The following PCNT variants were observed in gnomAD, a reference collection of about 807,000 sequenced individuals.
PCNT encodes pericentrin.
PCNT carries 319 observed loss-of-function variants against 380.4 expected under a neutral mutation model. The ratio of observed to expected loss-of-function variants is 0.84; its 90% CI spans 0.77 to 0.92. The LOEUF is 0.92. PCNT is among the 40% of genes least tolerant of loss of function. The pLI is 0.00. For synonymous variants in PCNT, 1,845 were observed against 1,735.2 expected (o/e 1.06, Z -1.57); for missense variants, 4,400 against 4,255.3 (o/e 1.03, Z -0.95).
rs202225079 is a variant in PCNT, at chr21:46,399,573, A to T, written c.4585-17A>T. ...AAACATTCTATTGTATTCCTCAAGC[A>T]TTTTTTGTTGTTTTAGGTTGAGTTG... On this transcript the variant is annotated splice_polypyrimidine_tract_variant and intron_variant, in intron 24 of 46. Transcript: ENST00000359568. 5 of 1,580,826 alleles carry T rather than the reference A, an allele frequency of 3.2e-6. No individual in the cohort carries two copies. Among genetic ancestry groups the T allele is most frequent in the Admixed American group, 1.7e-5 (1 of 59,960 alleles).
At position 46,411,562 on chromosome 21, in the gene PCNT, C is replaced by T. The variant is rs1333276922; in HGVS notation, c.5489C>T (p.Ala1830Val). 6.2e-7 allele frequency: 1 copy of T among 1,612,458 alleles called. No homozygotes were observed. Among genetic ancestry groups the T allele is most frequent in the Non-Finnish European group, 8.5e-7 (1 of 1,179,648 alleles). Residue 1830 changes from alanine to valine, a missense_variant, in exon 28 of 47, where the codon GCT becomes GTT. Physicochemically the swap from Ala to Val is moderately conservative, Grantham distance 64 (BLOSUM62 0). Transcript: ENST00000359568. The stretch of plus-strand genomic sequence containing the variant: ...CAGCGCCTCCAGGGCGCAGAGGAGG[C>T]TGCGGAGCTACAGCTGGCTGAGCTG... Reference protein sequence around the residue: ...LQQRLQGAEEAAELQLAELER... With the variant: ...LQQRLQGAEEVAELQLAELER...
intron 27 of PCNT, among the ~76,000 whole-genome samples, chr21:46,404,756 C>G (rs941964692): frequency 5.9e-5 from 9 of 152,102 alleles, no homozygotes; most frequent in Non-Finnish European, 1.2e-4. Flanking sequence ...TCGAGACCAG[C>G]CTAAACAACA....
chr21:46,382,426 C>T lies in PCNT; in HGVS notation c.3312+586C>T, dbSNP rs1323187497. 1.4e-5 allele frequency among the ~76,000 whole-genome samples: 2 copies of T among 141,864 alleles called. 1 individual carries two copies. Among genetic ancestry groups the T allele is most frequent in the African/African-American group, 5.2e-5 (2 of 38,294 alleles). The allele number at this position is 141,864 out of a possible 152,430, so 93.1% of individuals were successfully genotyped here. ...GCATTCAGCAGCAGAAGCGCATTCA[C>T]GGTGTTGTATATTCAGTGGCGGAAG... On this transcript the variant is annotated intron_variant, in intron 16 of 46. Transcript: ENST00000359568.
Position 46,401,731 on chromosome 21 carries a change from G to A in PCNT, c.4962+10G>A, listed in dbSNP as rs114474454. Reference sequence around the variant, plus strand: ...GCGGCGCGAGAGCGAGGTGAGTGCAGAGTGGGGCCATGGGACTGCCAGCCC... The same window carrying A: ...GCGGCGCGAGAGCGAGGTGAGTGCAAAGTGGGGCCATGGGACTGCCAGCCC... On this transcript the variant is annotated intron_variant, in intron 26 of 46. Coordinates refer to ENST00000359568, the MANE Select transcript of PCNT (RefSeq NM_006031.6). The A allele has an allele frequency of 2.1e-3, 3,405 of 1,613,934 alleles. 58 individuals are homozygous for A. The African/African-American group carries it at 0.04, about 19-fold the overall frequency.
rs928246691 is a variant in PCNT at position 46,431,218 on chromosome 21, G to C, written c.8065-311G>C. 4.4e-5 allele frequency: 55 copies of C among 1,257,432 alleles called. No homozygotes were observed. In the South Asian group the frequency reaches 8.9e-4, roughly 20 times the overall value. The allele number at this position is 1,257,432 out of a possible 1,614,324, so 77.9% of individuals were successfully genotyped here. A position where few individuals can be genotyped will look rare whatever the true frequency, so the allele number is the denominator to read the frequency against. Reference sequence around the variant, plus strand: ...TGAAGAGGGGGCAGGAGCCTCTGGTGGAGTGATTTTCTGGAGAGGGGGCGG... The same window carrying C: ...TGAAGAGGGGGCAGGAGCCTCTGGTCGAGTGATTTTCTGGAGAGGGGGCGG... On this transcript the variant is annotated intron_variant, in intron 37 of 46. Transcript: ENST00000359568.
In PCNT at chr21:46,346,979, C is replaced by G. The variant is rs1419505768; in HGVS notation, c.957C>G (p.Leu319=). Residue 319 remains leucine, a synonymous_variant, in exon 5 of 47, where the codon CTC becomes CTG. Transcript: ENST00000359568. ...QHAREKEEVV[L]RCGQEAAELK... ...CACGGGAGAAGGAGGAGGTGGTGCT[C>G]AGGTGTGGACAGGAAGCAGGTACTG... 1 of 1,595,286 alleles carries G rather than the reference C, an allele frequency of 6.3e-7. No homozygotes were observed. Among genetic ancestry groups the G allele is most frequent in the Non-Finnish European group, 8.5e-7 (1 of 1,173,466 alleles).
chr21:46,389,736 A>G (rs1232906335), intron 19 of PCNT, among the ~76,000 whole-genome samples: 1 of 152,238 alleles, frequency 6.6e-6, no homozygotes, highest in Non-Finnish European at 1.5e-5. Context: ...GTTTTAGAAC[A>G]TTTTAGACAA....
Position 46,355,469 on chromosome 21 carries a change from C to A in PCNT, c.1779C>A (p.Phe593Leu). The change falls in exon 12 of 47, where the codon TTC becomes TTA. Residue 593 changes from phenylalanine (F) to leucine (L), a missense_variant. Transcript: ENST00000359568. The stretch of plus-strand genomic sequence containing the variant: ...CTCTGTAGGAGAGCCTGCCACGCTT[C>A]CAGGCGGAGTTAGAAGAAAGCCACA... ...PERHKESLPR[F>L]QAELEESHRH... 1 of 1,614,004 alleles carries A rather than the reference C, an allele frequency of 6.2e-7. No homozygotes were observed. Among genetic ancestry groups the A allele is most frequent in the African/African-American group, 1.3e-5 (1 of 75,070 alleles).
chr21:46,364,331 G>A (rs2084824139), intron 14 of PCNT, among the ~76,000 whole-genome samples: 1 of 152,086 alleles, frequency 6.6e-6, no homozygotes, highest in Admixed American at 6.5e-5. Context: ...GCTGGCAGCC[G>A]CCACCCCGAA....
Position 46,366,455 on chromosome 21 carries a change from G to A in PCNT, c.2610-129G>A, listed in dbSNP as rs1359993116. On this transcript the variant is annotated intron_variant, in intron 14 of 46. Coordinates refer to ENST00000359568, the MANE Select transcript of PCNT (RefSeq NM_006031.6). ...GGTCGAGGGAAAAGTAGTAAGAGCA[G>A]TTAAAATCCCGAAACGATGACCTGA... 22 of 805,490 alleles carry A rather than the reference G, an allele frequency of 2.7e-5. No homozygotes were observed. The East Asian group carries it at 5.2e-4, about 19-fold the overall frequency. The allele number at this position is 805,490 out of a possible 1,614,324, so 49.9% of individuals were successfully genotyped here. A position where few individuals can be genotyped will look rare whatever the true frequency, so the allele number is the denominator to read the frequency against.
chr21:46,416,322 CG>C lies in PCNT; in HGVS notation c.6410del (p.Gly2137ValfsTer2). On this transcript the variant is annotated frameshift_variant, in exon 30 of 47. Coordinates refer to ENST00000359568, the MANE Select transcript of PCNT (RefSeq NM_006031.6). LOFTEE classifies it high-confidence loss of function. ...GACACATGTGATGCCAATACAGCCACGGGGGGTGTAACTGATGTTATCAAAA... is the reference window on the plus strand; with the variant it reads ...GACACATGTGATGCCAATACAGCCACGGGGGTGTAACTGATGTTATCAAAA... Reference protein sequence around the residue: ...HIDTCDANTATGGVTDVIKNQ... With the variant: ...HIDTCDANTAXGGVTDVIKNQ... 1.9e-6 allele frequency: 3 copies of C among 1,613,912 alleles called. No individual in the cohort carries two copies. The highest frequency in any genetic ancestry group is 2.5e-6 in the Non-Finnish European group (3 of 1,179,914).
intron 26 of PCNT, 119 bp downstream of exon 26, chr21:46,401,840 T>C: frequency 1.1e-6 from 1 of 942,022 alleles, no homozygotes; most frequent in Non-Finnish European, 1.6e-6. Context: ...CTGTGTATTC[T>C]TTTCTTTTCT....
intron 13 of PCNT, among the ~76,000 whole-genome samples, chr21:46,358,807 T>G (rs933785829): frequency 1.3e-5 from 2 of 151,644 alleles, no homozygotes; most frequent in Non-Finnish European, 2.9e-5. Context: ...TTTATTTTTT[T>G]TTATTTTTTT....
chr21:46,429,807 G>A (rs1250463794), intron 35 of PCNT, among the ~76,000 whole-genome samples: 1 of 152,112 alleles, frequency 6.6e-6, no homozygotes, highest in Non-Finnish European at 1.5e-5. Context: ...GGCCAGGTGG[G>A]TGGGCCCTGG....
chr21:46,353,962 C>T (rs778586466), intron 10 of PCNT, 25 bp from the exon 11 acceptor site: 2 of 1,602,208 alleles, frequency 1.2e-6, no homozygotes, highest in East Asian at 4.5e-5. Flanking sequence ...GTGTGTAAAG[C>T]TTTTATAAAA....
At position 46,388,758 on chromosome 21, in the gene PCNT, G is replaced by A. The variant is rs150279909; in HGVS notation, c.3481G>A (p.Ala1161Thr). ...CTGTCTCAGAGGGGCCCTCCAGGAC[G>A]CCCTGCGCAGGCTGCTGGGTTTGTT... Reference protein sequence around the residue: ...SHSERGALQDALRRLLGLFGE... With the variant: ...SHSERGALQDTLRRLLGLFGE... The change falls in exon 18 of 47, where the codon GCC becomes ACC. Residue 1161 changes from alanine to threonine, a missense_variant. By Grantham distance (58) the Ala-to-Thr change is moderately conservative. Transcript: ENST00000359568. This position sits in a 1 kb window ranked among gnomAD's most constrained non-coding sequence, Gnocchi z 4.2. 1.1e-4 allele frequency: 173 copies of A among 1,613,858 alleles called. No homozygotes were observed. In the African/African-American group the frequency reaches 1.8e-3, roughly 17 times the overall value.
rs35172694 is a variant in PCNT, at chr21:46,338,604, C to CT, written c.639+3853dup. On this transcript the variant is annotated intron_variant, in intron 3 of 46. Coordinates refer to ENST00000359568, the MANE Select transcript of PCNT (RefSeq NM_006031.6). ...TTGTGAATATGAATAATGAATGTGT[C>CT]TTTTTTTTTTTTTTTTTGAGACGGA... Among the ~76,000 whole-genome samples the CT allele has an allele frequency of 4.8e-3, 554 of 115,870 alleles. 5 individuals are homozygous for CT. Among genetic ancestry groups the CT allele is most frequent in the African/African-American group, 0.013 (415 of 31,178 alleles). 76.0% of individuals were successfully genotyped at this position (115,870 alleles called of 152,430 possible). A position where few individuals can be genotyped will look rare whatever the true frequency, so the allele number is the denominator to read the frequency against.
intron 13 of PCNT, among the ~76,000 whole-genome samples, chr21:46,362,360 C>CA (rs1037207842): frequency 6.6e-6 from 1 of 152,172 alleles, no homozygotes; most frequent in Non-Finnish European, 1.5e-5. Flanking sequence ...GAGAATGGCT[C>CA]AGTGCTGTTT....
In PCNT at chr21:46,368,319, A is replaced by G. The variant is rs545386554; in HGVS notation, c.3165+1180A>G. Among the ~76,000 whole-genome samples, 260 of 152,170 alleles carry G rather than the reference A, an allele frequency of 1.7e-3. 7 individuals carry two copies. The South Asian group carries it at 0.049, about 29-fold the overall frequency. On this transcript the variant is annotated intron_variant, in intron 15 of 46. Transcript: ENST00000359568. ...AAAAATTAGCTGGGGGTGGTGGCGG[A>G]CGCCTGTAGTCCCAGCTACTTGGGA...
Sources: gnomAD v4.1 joint callset for allele counts (sites outside exome capture counted in the v4.1 genomes callset) on GRCh38, gnomAD v4.1.1 for gene constraint, Gnocchi (gnomAD v3.1) non-coding constraint, MANE v1.5 for transcripts, NCBI Gene and HGNC (gene_info 2026-07-23, HGNC 2026-07-21) for gene names.